Variants in RFTN1 observed in about 807,000 individuals in gnomAD.
RFTN1 encodes raftlin.
Under a neutral mutation model 46.5 loss-of-function variants are expected in RFTN1, and 26 were observed. The observed-to-expected ratio is 0.56, with a 90% CI of 0.41 to 0.78. The LOEUF (loss-of-function observed/expected upper bound fraction) is 0.78, where lower values mean the gene tolerates loss of function less well. RFTN1 is among the 30% of genes least tolerant of loss of function. The pLI, the probability that RFTN1 is intolerant of heterozygous loss-of-function variation, is 0.00. For synonymous variants in RFTN1, 261 were observed against 284.2 expected, an observed-to-expected ratio of 0.92 and a Z score of 0.82; for missense variants, 693 against 718.7, an observed-to-expected ratio of 0.96 and a Z score of 0.41.
In RFTN1 at chr3:16,317,172, T is replaced by C; in HGVS notation, c.1393A>G (p.Lys465Glu). ...TGTTGTTTGTCTCTGGCACTGAGTT[T>C]ACCTTTTGATTTCCTCATCTGCCTG... is the stretch of plus-strand genomic sequence containing the variant. Reference protein sequence around the residue: ...HNRQMRKSKGKLSARDKQQAE... With the variant: ...HNRQMRKSKGELSARDKQQAE... Residue 465 changes from lysine to glutamate, a missense_variant, in exon 10 of 10, where the codon AAA becomes GAA. By Grantham distance (56) the Lys-to-Glu change is moderately conservative. Coordinates refer to ENST00000334133, the MANE Select transcript of RFTN1 (RefSeq NM_015150.2). This position sits in a 1 kb window ranked among gnomAD's most constrained non-coding sequence, Gnocchi z 4.3. The C allele has an allele frequency of 6.2e-7, 1 of 1,613,696 alleles. No homozygotes were observed.
chr3:16,374,825 C>T lies in RFTN1; in HGVS notation c.826+2893G>A, dbSNP rs774646101. 2.6e-5 allele frequency among the ~76,000 whole-genome samples: 4 copies of T among 152,174 alleles called. No homozygotes were observed. Among genetic ancestry groups the T allele is most frequent in the African/African-American group, 4.8e-5 (2 of 41,442 alleles). Reference sequence around the variant, plus strand: ...AATTCCCCCAGACCAGGAAATAAGTCAGCGAGCAGGAAGAGGAACCCACGG... The same window carrying T: ...AATTCCCCCAGACCAGGAAATAAGTTAGCGAGCAGGAAGAGGAACCCACGG... On this transcript the variant is annotated intron_variant, in intron 5 of 9. Coordinates refer to ENST00000334133, the MANE Select transcript of RFTN1 (RefSeq NM_015150.2). This position sits in a 1 kb window ranked among gnomAD's most constrained non-coding sequence, Gnocchi z 5.4.
chr3:16,490,602 C>T (rs2076524637), intron 2 of RFTN1, among the ~76,000 whole-genome samples: 1 of 152,212 alleles, frequency 6.6e-6, no homozygotes, highest in Non-Finnish European at 1.5e-5. Flanking sequence ...TACAGGGCAA[C>T]TGGGCAATTT....
chr3:16,426,697 G>GTC lies in RFTN1; in HGVS notation c.332+7152_332+7153dup, dbSNP rs1036760542. On this transcript the variant is annotated intron_variant, in intron 3 of 9. Transcript: ENST00000334133. This position sits in a 1 kb window ranked among gnomAD's most constrained non-coding sequence, Gnocchi z 5.9. ...TGTGTGTGTGTGTGTGTGTGTGTGT[G>GTC]TCTGTTCCATTACTTGAGGTCTGTG... 6.6e-6 allele frequency among the ~76,000 whole-genome samples: 1 copy of GTC among 151,322 alleles called. No homozygotes were observed. The highest frequency in any genetic ancestry group is 1.5e-5 in the Non-Finnish European group (1 of 67,800).
intron 2 of RFTN1, among the ~76,000 whole-genome samples, 178 bp downstream of exon 2, chr3:16,493,547 A>AATAT (rs2076576203): frequency 6.6e-6 from 1 of 152,126 alleles, no homozygotes; most frequent in Admixed American, 6.5e-5. Context: ...TTTTTTAAAA[A>AATAT]GTGAGAGATT....
At chr3:16,434,416 A>T (rs532570763) in intron 2 of RFTN1, among the ~76,000 whole-genome samples, 1 of 141,920 alleles carries the variant, frequency 7.0e-6, no homozygotes, top group South Asian at 2.2e-4. Context: ...ACCCCCTCAA[A>T]ATTAGCCAGT....
intron 6 of RFTN1, among the ~76,000 whole-genome samples, chr3:16,359,329 G>A (rs2072680877): frequency 6.6e-6 from 1 of 152,078 alleles, no homozygotes; most frequent in African/African-American, 2.4e-5. Context: ...ATAATATTAT[G>A]GACTGAATTG....
At position 16,335,928 on chromosome 3, in the gene RFTN1, C is replaced by T. The variant is rs1341780310; in HGVS notation, c.1147-9052G>A. On this transcript the variant is annotated intron_variant, in intron 7 of 9. Coordinates refer to ENST00000334133, the MANE Select transcript of RFTN1 (RefSeq NM_015150.2). This position sits in a 1 kb window ranked among gnomAD's most constrained non-coding sequence, Gnocchi z 4.7. ...GGAGGGAAGTGGCCGACAGCAAGGA[C>T]TGGTGGCAGCTGCTAGTGCAGAGGA... Among the ~76,000 whole-genome samples, 2 of 152,244 alleles carry T rather than the reference C, an allele frequency of 1.3e-5. No homozygotes were observed. The highest frequency in any genetic ancestry group is 2.4e-5 in the African/African-American group (1 of 41,466).
intron 7 of RFTN1, among the ~76,000 whole-genome samples, chr3:16,340,946 A>G (rs779916588): frequency 4.6e-5 from 7 of 152,370 alleles, no homozygotes; most frequent in Non-Finnish European, 8.8e-5. Flanking sequence ...CAAAGAATTC[A>G]TAAGACTAAA....
Position 16,425,066 on chromosome 3 carries a change from A to G in RFTN1, c.332+8785T>C, listed in dbSNP as rs938744553. On this transcript the variant is annotated intron_variant, in intron 3 of 9. Coordinates refer to ENST00000334133, the MANE Select transcript of RFTN1 (RefSeq NM_015150.2). This position sits in a 1 kb window ranked among gnomAD's most constrained non-coding sequence, Gnocchi z 4.3. ...CAAAGATTTAAAGTAAGACAATCTG[A>G]GTTCCTATATTTAATATGAGACAGA... Among the ~76,000 whole-genome samples the G allele has an allele frequency of 6.6e-6, 1 of 152,242 alleles. No individual in the cohort carries two copies. The highest frequency in any genetic ancestry group is 2.4e-5 in the African/African-American group (1 of 41,464).
In RFTN1 at chr3:16,458,545, G is replaced by C. The variant is rs922431775; in HGVS notation, c.146-24508C>G. ...CTTTTGCAGTAGCTTTTCAATAGTG[G>C]ATCTTTATTGAGCTTTTCCATCTTT... On this transcript the variant is annotated intron_variant, in intron 2 of 9. Transcript: ENST00000334133. This position sits in a 1 kb window ranked among gnomAD's most constrained non-coding sequence, Gnocchi z 5.1. Among the ~76,000 whole-genome samples the C allele has an allele frequency of 6.6e-6, 1 of 152,092 alleles. No individual in the cohort carries two copies. Among genetic ancestry groups the C allele is most frequent in the Non-Finnish European group, 1.5e-5 (1 of 68,010 alleles).
intron 1 of RFTN1, among the ~76,000 whole-genome samples, chr3:16,502,563 C>T (rs182607747): frequency 6.6e-6 from 1 of 152,294 alleles, no homozygotes; most frequent in East Asian, 1.9e-4. Context: ...TGTGATTTCC[C>T]AGGCTACTTT....
intron 4 of RFTN1, among the ~76,000 whole-genome samples, chr3:16,398,271 A>AAAAAAAAAAAAAAG (rs1559322564): frequency 6.7e-6 from 1 of 149,696 alleles, no homozygotes; most frequent in African/African-American, 2.5e-5. Flanking sequence ...AAAAAAAAAA[A>AAAAAAAAAAAAAAG]AAGAAGCATC....
rs186144049 is a variant in RFTN1 at position 16,366,865 on chromosome 3, G to A, written c.1030+3211C>T. On this transcript the variant is annotated intron_variant, in intron 6 of 9. Coordinates refer to ENST00000334133, the MANE Select transcript of RFTN1 (RefSeq NM_015150.2). ...GTGCCCTAAGCTTGCCAGAGCCCAC[G>A]GGCAGAGCCTCCCCCAGCCCAAGAC... Among the ~76,000 whole-genome samples the A allele has an allele frequency of 3.4e-4, 50 of 148,608 alleles. No individual in the cohort carries two copies. The East Asian group carries it at 9.4e-3, about 28-fold the overall frequency.
rs1204634208 is a variant in RFTN1 at position 16,507,545 on chromosome 3, A to T, written c.-9+5897T>A. Among the ~76,000 whole-genome samples, 3 of 152,056 alleles carry T rather than the reference A, an allele frequency of 2.0e-5. No individual in the cohort carries two copies. The highest frequency in any genetic ancestry group is 6.6e-5 in the Admixed American group (1 of 15,244). ...TGAGGAACTTTAGCGCTATTCCATA[A>T]AACTTGAAGGATTCCTCAGGACAAA... is the stretch of plus-strand genomic sequence containing the variant. On this transcript the variant is annotated intron_variant, in intron 1 of 9. Transcript: ENST00000334133. This position sits in a 1 kb window ranked among gnomAD's most constrained non-coding sequence, Gnocchi z 7.1.
intron 4 of RFTN1, among the ~76,000 whole-genome samples, chr3:16,409,044 TA>T (rs1234647581): frequency 1.3e-5 from 2 of 152,132 alleles, no homozygotes; most frequent in Admixed American, 6.5e-5. Context: ...GACCCATAGA[TA>T]AAAGGAAGGT....
chr3:16,394,251 C>T (rs1367409406), intron 4 of RFTN1, among the ~76,000 whole-genome samples: 1 of 152,078 alleles, frequency 6.6e-6, no homozygotes, highest in Admixed American at 6.5e-5. Flanking sequence ...GTGGTGCACA[C>T]CCGTAATCCT....
intron 2 of RFTN1, chr3:16,454,822 G>T: frequency 2.0e-6 from 2 of 981,800 alleles, no homozygotes; most frequent in Non-Finnish European, 2.4e-6. Flanking sequence ...CAGGGACTTT[G>T]TCTTGTTCAT....
intron 2 of RFTN1, among the ~76,000 whole-genome samples, chr3:16,470,385 G>A (rs1390344175): frequency 1.3e-5 from 2 of 152,224 alleles, no homozygotes; most frequent in East Asian, 1.9e-4. Context: ...TTTTGTCTCT[G>A]ATGGCTTTTA....
intron 7 of RFTN1, among the ~76,000 whole-genome samples, chr3:16,357,114 CAAAAAAA>C (rs10563071): frequency 7.5e-6 from 1 of 133,570 alleles, no homozygotes; most frequent in Admixed American, 7.7e-5. Flanking sequence ...GATGCCATCT[CAAAAAAA>C]AAAAAAACAA....
Sources: gnomAD v4.1 joint callset for allele counts (sites outside exome capture counted in the v4.1 genomes callset) on GRCh38, gnomAD v4.1.1 for gene constraint, Gnocchi (gnomAD v3.1) non-coding constraint, MANE v1.5 for transcripts, NCBI Gene and HGNC (gene_info 2026-07-23, HGNC 2026-07-21) for gene names.